SOAT1: variants seen among roughly 807,000 people sequenced by gnomAD.
The protein encoded by SOAT1 is sterol O-acyltransferase 1.
SOAT1 carries 55 observed loss-of-function variants against 69.5 expected under a neutral mutation model. The observed-to-expected ratio is 0.79, with a 90% confidence interval of 0.64 to 0.99. The LOEUF is 0.99. Ranked by LOEUF, SOAT1 falls within the 50% of genes least tolerant of loss-of-function variation. SOAT1 has a pLI of 0.00. For missense variants in SOAT1, 580 were observed against 669.3 expected, an observed-to-expected ratio of 0.87 and a Z score of 1.47; for synonymous variants, 231 against 224.7, an observed-to-expected ratio of 1.03 and a Z score of -0.25.
At chr1:179,345,621 G>C (rs983302164) in intron 11 of SOAT1, among the ~76,000 whole-genome samples, 1 of 151,788 alleles carries the variant, frequency 6.6e-6, no homozygotes, top group African/African-American at 2.4e-5. Context: ...GAATGCAGTG[G>C]TGTCATCATG....
At chr1:179,319,152 G>T (rs929582784) in intron 2 of SOAT1, among the ~76,000 whole-genome samples, 29 of 151,436 alleles carry the variant, frequency 1.9e-4, no homozygotes, top group Admixed American at 5.9e-4. Context: ...GGTGTGAAAT[G>T]ATACCTCATT....
rs192146539 is a variant in SOAT1 at position 179,298,351 on chromosome 1, G to A, written c.-8-4326G>A. On this transcript the variant is annotated intron_variant, in intron 1 of 15. Transcript: ENST00000367619. Reference sequence around the variant, plus strand: ...GATCTGCCCACCTCGGCCTCCCAAAGTGCTGGGATTACAGATGTATTCCAC... The same window carrying A: ...GATCTGCCCACCTCGGCCTCCCAAAATGCTGGGATTACAGATGTATTCCAC... Among the ~76,000 whole-genome samples, 580 of 152,252 alleles carry A rather than the reference G, an allele frequency of 3.8e-3. 2 individuals are homozygous for A. Among genetic ancestry groups the A allele is most frequent in the Non-Finnish European group, 6.9e-3 (467 of 68,018 alleles).
intron 1 of SOAT1, among the ~76,000 whole-genome samples, chr1:179,295,367 C>A (rs1363517792): frequency 6.6e-6 from 1 of 152,202 alleles, no homozygotes; most frequent in Non-Finnish European, 1.5e-5. Flanking sequence ...ATCACCCCAT[C>A]CCCATTAAGC....
At chr1:179,307,990 A>G (rs6425529) in intron 2 of SOAT1, among the ~76,000 whole-genome samples, 40,287 of 151,506 alleles carry the variant, frequency 0.27, 5,465 homozygotes, top group East Asian at 0.46. Flanking sequence ...GGGTTTCTCC[A>G]TGTTGGTCAG....
In SOAT1 at chr1:179,358,516, A is replaced by T. The variant is rs369658610; in HGVS notation, c.*4875A>T. 2 of 152,146 alleles carry T rather than the reference A, an allele frequency of 1.3e-5. No individual in the cohort carries two copies. Among genetic ancestry groups the T allele is most frequent in the African/African-American group, 4.8e-5 (2 of 41,434 alleles). The allele number at this position is 152,146 out of a possible 1,614,324, so 9.4% of individuals were successfully genotyped here. A position where few individuals can be genotyped will look rare whatever the true frequency, so the allele number is the denominator to read the frequency against. ...CCATGGAAAAAGGTGCCAATTTTGGATTGGGAAAGGAGCTGAAGCCCCAGT... is the reference window on the plus strand; with the variant it reads ...CCATGGAAAAAGGTGCCAATTTTGGTTTGGGAAAGGAGCTGAAGCCCCAGT... On this transcript the variant is annotated 3_prime_UTR_variant, in exon 16 of 16. Transcript: ENST00000367619.
chr1:179,296,578 A>G (rs1299449596), intron 1 of SOAT1, among the ~76,000 whole-genome samples: 1 of 152,192 alleles, frequency 6.6e-6, no homozygotes, highest in East Asian at 1.9e-4. Context: ...TAGTTTTGCT[A>G]ATTACTTAAA....
At position 179,323,498 on chromosome 1, in the gene SOAT1, A is replaced by G; in HGVS notation, c.177+3A>G. The G allele has an allele frequency of 6.2e-7, 1 of 1,612,676 alleles. No individual in the cohort carries two copies. The highest frequency in any genetic ancestry group is 8.5e-7 in the Non-Finnish European group (1 of 1,178,978). ...TAAAGTTGACAGCAGAGGCAGAGGC[A>G]AGTAACTCCCTCTTCTAGAAACAAA... On this transcript the variant is annotated splice_donor_region_variant and intron_variant, in intron 3 of 15. Transcript: ENST00000367619.
Position 179,294,625 on chromosome 1 carries a change from G to A in SOAT1, c.-9+689G>A, listed in dbSNP as rs188557383. Reference sequence around the variant, plus strand: ...CGGCTCACTGCAACCTCTGCCTCCCGGGTTCAAGCGATTCTTGTGCCTCAG... The same window carrying A: ...CGGCTCACTGCAACCTCTGCCTCCCAGGTTCAAGCGATTCTTGTGCCTCAG... On this transcript the variant is annotated intron_variant, in intron 1 of 15. Transcript: ENST00000367619. 3.1e-3 allele frequency among the ~76,000 whole-genome samples: 470 copies of A among 152,308 alleles called. 5 individuals are homozygous for A. Among genetic ancestry groups the A allele is most frequent in the Middle Eastern group, 0.01 (3 of 294 alleles).
chr1:179,329,607 A>G (rs1665906377), intron 3 of SOAT1, among the ~76,000 whole-genome samples: 1 of 151,672 alleles, frequency 6.6e-6, no homozygotes, highest in Non-Finnish European at 1.5e-5. Context: ...TGTAGTCCCA[A>G]GTACTCTGGA....
chr1:179,301,886 C>T (rs148992661), intron 1 of SOAT1, among the ~76,000 whole-genome samples: 1 of 152,230 alleles, frequency 6.6e-6, no homozygotes, highest in East Asian at 1.9e-4. Context: ...TCTAAAATAC[C>T]TTCTTTTCTG....
rs545886379 is a variant in SOAT1, at chr1:179,324,717, T to A, written c.177+1222T>A. 2.6e-5 allele frequency among the ~76,000 whole-genome samples: 4 copies of A among 152,388 alleles called. No homozygotes were observed. The East Asian group carries it at 7.7e-4, about 29-fold the overall frequency. On this transcript the variant is annotated intron_variant, in intron 3 of 15. Coordinates refer to ENST00000367619, the MANE Select transcript of SOAT1 (RefSeq NM_003101.6). ...CCATCATAAGAGATTGTTTAAGGAT[T>A]TGTTATGCAACTTTTTATCTGATGA...
intron 15 of SOAT1, among the ~76,000 whole-genome samples, chr1:179,353,228 T>TAAATA (rs1571463745): frequency 7.8e-6 from 1 of 128,300 alleles, no homozygotes; most frequent in African/African-American, 2.9e-5. Flanking sequence ...TATATATCTA[T>TAAATA]TTGTCGTCCT....
At chr1:179,296,224 C>T (rs572405409) in intron 1 of SOAT1, among the ~76,000 whole-genome samples, 7 of 152,098 alleles carry the variant, frequency 4.6e-5, no homozygotes, top group African/African-American at 1.7e-4. Flanking sequence ...CTGCCTCGGC[C>T]TCCCAAAGAG....
intron 2 of SOAT1, among the ~76,000 whole-genome samples, 155 bp from the exon 3 acceptor site, chr1:179,323,282 T>C (rs1665669627): frequency 1.3e-5 from 2 of 152,200 alleles, no homozygotes; most frequent in African/African-American, 4.8e-5. Flanking sequence ...ATAAATTTCC[T>C]TCTAGTTATT....
intron 3 of SOAT1, among the ~76,000 whole-genome samples, chr1:179,324,635 C>A (rs1665715993): frequency 6.6e-6 from 1 of 152,206 alleles, no homozygotes. Flanking sequence ...GCCTCCAGCA[C>A]TACAGTGATG....
chr1:179,355,897 A>G lies in SOAT1; in HGVS notation c.*2256A>G, dbSNP rs972810889. ...CAACAACAAATATGTAGAACTACAG[A>G]CTGTTTAGAATGCTGAGACTGTTCT... On this transcript the variant is annotated 3_prime_UTR_variant, in exon 16 of 16. Transcript: ENST00000367619. 2 of 152,190 alleles carry G rather than the reference A, an allele frequency of 1.3e-5. No individual in the cohort carries two copies. Among genetic ancestry groups the G allele is most frequent in the Admixed American group, 1.3e-4 (2 of 15,280 alleles). The allele number at this position is 152,190 out of a possible 1,614,324, so 9.4% of individuals were successfully genotyped here.
chr1:179,335,123 G>A (rs1666105273), intron 3 of SOAT1, among the ~76,000 whole-genome samples: 3 of 152,040 alleles, frequency 2.0e-5, no homozygotes, highest in Admixed American at 6.6e-5. Context: ...TAACATTTTG[G>A]GAAGCTGAGG....
intron 3 of SOAT1, among the ~76,000 whole-genome samples, chr1:179,330,311 A>G (rs1665929475): frequency 6.6e-6 from 1 of 152,168 alleles, no homozygotes; most frequent in Admixed American, 6.6e-5. Flanking sequence ...TTAGGGGGCA[A>G]GCTGGTCAGT....
rs1354152902 is a variant in SOAT1 at position 179,344,374 on chromosome 1, T to G, written c.988-573T>G. 8.3e-5 allele frequency among the ~76,000 whole-genome samples: 2 copies of G among 24,146 alleles called. 1 individual carries two copies. The highest frequency in any genetic ancestry group is 2.2e-3 in the East Asian group (2 of 906). 15.8% of individuals were successfully genotyped at this position (24,146 alleles called of 152,430 possible). A position where few individuals can be genotyped will look rare whatever the true frequency, so the allele number is the denominator to read the frequency against. On this transcript the variant is annotated intron_variant, in intron 10 of 15. Transcript: ENST00000367619. Reference sequence around the variant, plus strand: ...AGGGGTTTTTTTTTTTTTTTTTTTTTTTTTTTTTTTTTTTTTTTGAGAAGG... The same window carrying G: ...AGGGGTTTTTTTTTTTTTTTTTTTTGTTTTTTTTTTTTTTTTTTGAGAAGG...
Sources: gnomAD v4.1 joint callset for allele counts (sites outside exome capture counted in the v4.1 genomes callset) on GRCh38, gnomAD v4.1.1 for gene constraint, MANE v1.5 for transcripts, NCBI Gene and HGNC (gene_info 2026-07-23, HGNC 2026-07-21) for gene names.